HDAC9: variants seen among roughly 807,000 people sequenced by gnomAD.
HDAC9 encodes MEF-2 interacting transcription repressor (MITR) protein.
HDAC9 carries 41 observed loss-of-function variants against 139.4 expected under a neutral mutation model. The ratio of observed to expected loss-of-function variants is 0.29; its 90% CI spans 0.23 to 0.38. The LOEUF is 0.38. Ranked by LOEUF, HDAC9 falls within the 10% of genes least tolerant of loss-of-function variation. The probability of loss-of-function intolerance (pLI) is 1.00; values close to 1 mark genes in which losing one functional copy is unlikely to be tolerated. For synonymous variants in HDAC9, 517 were observed against 476.2 expected (o/e 1.09, Z -1.12); for missense variants, 1,147 against 1,297.0 (o/e 0.88, Z 1.78).
chr7:18,392,847 T>C (rs1403372738), intron 1 of HDAC9, among the ~76,000 whole-genome samples: 4 of 150,054 alleles, frequency 2.7e-5, no homozygotes, highest in African/African-American at 4.9e-5. Flanking sequence ...TCACCCTGTT[T>C]ATTTGCTGGA....
intron 2 of HDAC9, 84 bp downstream of exon 2, chr7:18,496,408 T>A: frequency 8.3e-7 from 1 of 1,207,352 alleles, no homozygotes; most frequent in Non-Finnish European, 1.2e-6. Flanking sequence ...GCACCTCTCT[T>A]AAGGAAATTG....
At chr7:18,133,957 C>CAT (rs1452942022) in intron 1 of HDAC9, among the ~76,000 whole-genome samples, 259 of 149,364 alleles carry the variant, frequency 1.7e-3, no homozygotes, top group East Asian at 4.9e-3. Context: ...CACACACACA[C>CAT]ATCTCTAGCC....
At chr7:18,559,429 A>T (rs1025605424) in intron 2 of HDAC9, among the ~76,000 whole-genome samples, 2 of 152,170 alleles carry the variant, frequency 1.3e-5, no homozygotes, top group Non-Finnish European at 2.9e-5. Context: ...TTCTGGAAAC[A>T]TATCAATCTC....
chr7:18,978,880 C>A (rs981591496), intron 25 of HDAC9, among the ~76,000 whole-genome samples: 2 of 152,000 alleles, frequency 1.3e-5, no homozygotes, highest in Admixed American at 1.3e-4. Flanking sequence ...TCAAGATGAT[C>A]AACTGTTAGG....
At chr7:18,855,821 C>G (rs1797632208) in intron 21 of HDAC9, among the ~76,000 whole-genome samples, 1 of 152,018 alleles carries the variant, frequency 6.6e-6, no homozygotes, top group Admixed American at 6.6e-5. Flanking sequence ...TGTTTCCCAG[C>G]CTTTATGGTA....
At chr7:18,115,923 C>T (rs1165186339) in intron 1 of HDAC9, among the ~76,000 whole-genome samples, 2 of 152,228 alleles carry the variant, frequency 1.3e-5, no homozygotes, top group African/African-American at 4.8e-5. Flanking sequence ...AGGTATCTGA[C>T]ACCATGTGGA....
intron 1 of HDAC9, among the ~76,000 whole-genome samples, chr7:18,133,879 T>C (rs1490908128): frequency 2.0e-5 from 3 of 151,940 alleles, no homozygotes; most frequent in African/African-American, 2.4e-5. Flanking sequence ...TTGCTTGCAG[T>C]TATTCTTTAA....
chr7:18,340,511 T>A (rs1781922868), intron 1 of HDAC9, among the ~76,000 whole-genome samples: 1 of 151,610 alleles, frequency 6.6e-6, no homozygotes. Context: ...TTTTATTGGC[T>A]TATTGTCTAC....
chr7:18,395,045 T>C (rs977697279), intron 1 of HDAC9: 5 of 152,146 alleles, frequency 3.3e-5, no homozygotes, highest in African/African-American at 4.8e-5. Flanking sequence ...TCAGTAAAAA[T>C]GATAATATCG....
intron 16 of HDAC9, among the ~76,000 whole-genome samples, chr7:18,771,346 T>C (rs755529702): frequency 6.6e-6 from 1 of 152,004 alleles, no homozygotes; most frequent in Admixed American, 6.6e-5. Flanking sequence ...GGGAGAAGGA[T>C]TAGGTGATTA....
chr7:18,710,504 A>G (rs142768535), intron 12 of HDAC9, among the ~76,000 whole-genome samples: 1 of 152,344 alleles, frequency 6.6e-6, no homozygotes, highest in Non-Finnish European at 1.5e-5. Flanking sequence ...ATATGCATAC[A>G]CACATACATA....
At chr7:18,870,570 G>C (rs996785279) in intron 21 of HDAC9, among the ~76,000 whole-genome samples, 5 of 152,062 alleles carry the variant, frequency 3.3e-5, no homozygotes, top group African/African-American at 1.2e-4. Context: ...CAAAGTTTCT[G>C]TTATTTTCCT....
intron 6 of HDAC9, among the ~76,000 whole-genome samples, chr7:18,615,265 C>T (rs563526819): frequency 6.6e-6 from 1 of 152,192 alleles, no homozygotes; most frequent in Non-Finnish European, 1.5e-5. Flanking sequence ...GTTCCCCCTC[C>T]TCTTTTACTT....
intron 12 of HDAC9, among the ~76,000 whole-genome samples, chr7:18,712,898 T>G (rs555331047): frequency 6.6e-6 from 1 of 152,324 alleles, no homozygotes; most frequent in African/African-American, 2.4e-5. Flanking sequence ...AGGAACTATT[T>G]TAGTGAGATT....
At chr7:18,771,409 AC>A (rs1352792495) in intron 16 of HDAC9, among the ~76,000 whole-genome samples, 2 of 152,092 alleles carry the variant, frequency 1.3e-5, no homozygotes, top group East Asian at 3.9e-4. Context: ...TTTTCTGCAA[AC>A]GTTTCAGTTG....
At chr7:18,459,323 TA>T (rs1793634033) in intron 1 of HDAC9, among the ~76,000 whole-genome samples, 1 of 152,146 alleles carries the variant, frequency 6.6e-6, no homozygotes, top group Non-Finnish European at 1.5e-5. Flanking sequence ...AAAAGTGTAA[TA>T]GAAGGATACT....
At chr7:18,340,044 A>G (rs1781885248) in intron 1 of HDAC9, among the ~76,000 whole-genome samples, 1 of 151,390 alleles carries the variant, frequency 6.6e-6, no homozygotes, top group South Asian at 2.1e-4. Flanking sequence ...CATTCTGTTA[A>G]TTTTTGCTTC....
At chr7:18,895,913 C>A (rs1450242999) in intron 22 of HDAC9, among the ~76,000 whole-genome samples, 4 of 152,084 alleles carry the variant, frequency 2.6e-5, no homozygotes, top group African/African-American at 4.8e-5. Context: ...GGACATATTT[C>A]CAAAAGGGAG....
chr7:18,261,187 A>G (rs780587828), intron 2 of HDAC9, among the ~76,000 whole-genome samples: 1 of 152,074 alleles, frequency 6.6e-6, no homozygotes, highest in Non-Finnish European at 1.5e-5. Context: ...GCAGGCCTAT[A>G]GTCCCAGCAG....
Sources: allele counts gnomAD v4.1 joint callset (sites outside exome capture counted in the v4.1 genomes callset), GRCh38; gene constraint gnomAD v4.1.1; transcripts MANE v1.5; gene names NCBI Gene and HGNC (gene_info 2026-07-23, HGNC 2026-07-21).